CPA5: variants seen among roughly 807,000 people sequenced by gnomAD.
CPA5 encodes the protein carboxypeptidase A5.
In CPA5, 38 loss-of-function variants were observed where a neutral mutation model predicts 52.2. That is an observed-to-expected ratio of 0.73 (90% CI 0.56 to 0.95). CPA5 has a LOEUF of 0.95. CPA5 is among the 40% of genes least tolerant of loss of function. The pLI is 0.00. For synonymous variants in CPA5, 198 were observed against 213.7 expected (o/e 0.93, Z 0.64); for missense variants, 519 against 566.7 (o/e 0.92, Z 0.86).
At position 130,354,460 on chromosome 7, in the gene CPA5, C is replaced by T. The variant is rs1229320347; in HGVS notation, c.333+4351C>T. 7.2e-5 allele frequency among the ~76,000 whole-genome samples: 11 copies of T among 152,244 alleles called. No individual in the cohort carries two copies. In the East Asian group the frequency reaches 2.1e-3, roughly 29 times the overall value. On this transcript the variant is annotated intron_variant, in intron 5 of 12. Transcript: ENST00000474905. ...CCAGGCTGGAGTACAGTGGCATGATCTCGGCTCACTGCAGCCTCCACCTCC... is the reference window on the plus strand; with the variant it reads ...CCAGGCTGGAGTACAGTGGCATGATTTCGGCTCACTGCAGCCTCCACCTCC...
intron 10 of CPA5, among the ~76,000 whole-genome samples, chr7:130,363,946 C>T (rs574855498): frequency 5.9e-5 from 9 of 152,310 alleles, no homozygotes; most frequent in East Asian, 1.9e-4. Context: ...ACTCTTTCCC[C>T]GAGAGCTAGG....
In CPA5 at chr7:130,367,991, G is replaced by A. The variant is rs1554409034; in HGVS notation, c.1123+1G>A. ...TTTGGCAGCATCAGCACCACCCTCT[G>A]TGAGTGAGCCTCCCCTGGCCCTGCT... On this transcript the variant is annotated splice_donor_variant, in intron 12 of 12. Transcript: ENST00000474905. LOFTEE classifies it high-confidence loss of function. The A allele has an allele frequency of 3.1e-6, 5 of 1,613,832 alleles. No individual in the cohort carries two copies. The South Asian group carries it at 5.5e-5, about 18-fold the overall frequency.
At chr7:130,370,322 C>G (rs540843436), downstream of CPA5, among the ~76,000 whole-genome samples, 6 of 145,604 alleles carry the variant, frequency 4.1e-5, no homozygotes, top group African/African-American at 1.5e-4. Context: ...GCTGAAGTTT[C>G]CCACAGGAGA....
intron 5 of CPA5, 92 bp downstream of exon 5, chr7:130,350,201 A>G: frequency 7.2e-7 from 1 of 1,386,908 alleles, no homozygotes; most frequent in Non-Finnish European, 9.8e-7. Flanking sequence ...CTAAAAGTGG[A>G]CATGTGGTTT....
intron 11 of CPA5, 37 bp downstream of exon 11, chr7:130,367,608 C>T (rs782772660): frequency 9.0e-6 from 14 of 1,563,046 alleles, no homozygotes; most frequent in Admixed American, 5.0e-5. Flanking sequence ...GAGAAGAGAC[C>T]GCTTCACAGG....
At chr7:130,374,251 C>T in the CPA5 span, among the ~76,000 whole-genome samples, 8 of 151,968 alleles carry the variant, frequency 5.3e-5, no homozygotes, top group Non-Finnish European at 8.8e-5. Flanking sequence ...ATCTCAAACT[C>T]GGGGGGCAAA....
intron 1 of CPA5, chr7:130,345,588 T>C (rs2117261796): frequency 6.6e-6 from 1 of 152,362 alleles, no homozygotes; most frequent in East Asian, 1.9e-4. Flanking sequence ...AGAACTCTAA[T>C]AATGACTGCG....
At chr7:130,347,374 C>A (rs1261210196) in intron 3 of CPA5, among the ~76,000 whole-genome samples, 1 of 152,244 alleles carries the variant, frequency 6.6e-6, no homozygotes, top group East Asian at 1.9e-4. Context: ...TGGGGCCACA[C>A]TGGTCCCCCC....
At chr7:130,346,960 A>AT (rs1794790491) in intron 3 of CPA5, among the ~76,000 whole-genome samples, 11 of 152,134 alleles carry the variant, frequency 7.2e-5, no homozygotes, top group Admixed American at 7.2e-4. Flanking sequence ...CCACAAGACT[A>AT]CATACCCCTA....
At position 130,346,589 on chromosome 7, in the gene CPA5, T is replaced by C. The variant is rs1554402264; in HGVS notation, c.104T>C (p.Met35Thr). 1.2e-6 allele frequency: 2 copies of C among 1,613,700 alleles called. No homozygotes were observed. The highest frequency in any genetic ancestry group is 1.7e-6 in the Non-Finnish European group (2 of 1,179,720). ...ATCCTGGCAGCAGCTTTGGGCCAAA[T>C]GAATTTCACAGGGTGAGTGGCTGCT... ...SFILAAALGQ[M>T]NFTGDQVLRV... is the part of the protein sequence containing the mutation. The change falls in exon 3 of 13, where the codon ATG becomes ACG. Residue 35 changes from methionine to threonine, a missense_variant. Met to Thr is a moderately conservative substitution (Grantham distance 81, BLOSUM62 -1). Coordinates refer to ENST00000474905, the MANE Select transcript of CPA5 (RefSeq NM_080385.5).
chr7:130,354,622 C>G (rs565040457), intron 5 of CPA5, among the ~76,000 whole-genome samples: 33 of 152,104 alleles, frequency 2.2e-4, no homozygotes, highest in African/African-American at 7.5e-4. Context: ...CCATGTTGGC[C>G]AGGCTGGTCC....
chr7:130,365,820 C>T (rs1222858946), intron 10 of CPA5, among the ~76,000 whole-genome samples: 5 of 152,276 alleles, frequency 3.3e-5, no homozygotes, highest in African/African-American at 7.2e-5. Flanking sequence ...CCCCGCTCTG[C>T]GCATCTGTTG....
intron 5 of CPA5, 83 bp from the exon 6 acceptor site, chr7:130,359,506 C>G (rs185250589): frequency 3.2e-6 from 3 of 923,766 alleles, no homozygotes; most frequent in African/African-American, 3.3e-5. Flanking sequence ...TCTTTATGCA[C>G]AGCCAGTGGA....
chr7:130,361,365 G>A (rs554843187), intron 7 of CPA5, 121 bp downstream of exon 7: 1 of 677,392 alleles, frequency 1.5e-6, no homozygotes, highest in African/African-American at 1.8e-5. Context: ...GTCTACTCCT[G>A]TCCCCAGGTG....
At chr7:130,356,472 C>T (rs1315131468) in intron 5 of CPA5, among the ~76,000 whole-genome samples, 8 of 152,200 alleles carry the variant, frequency 5.3e-5, no homozygotes, top group Admixed American at 2.0e-4. Context: ...CGCATTCTTC[C>T]GTCACCCATC....
chr7:130,373,093 C>T, downstream of CPA5, among the ~76,000 whole-genome samples: 1 of 152,144 alleles, frequency 6.6e-6, no homozygotes, highest in South Asian at 2.1e-4. Flanking sequence ...CCCTCTGGGT[C>T]TCCTCAGCAA....
chr7:130,352,335 G>A (rs1795199777), intron 5 of CPA5, among the ~76,000 whole-genome samples: 1 of 151,704 alleles, frequency 6.6e-6, no homozygotes, highest in African/African-American at 2.4e-5. Flanking sequence ...CTGTATCCAG[G>A]ACAGCTGGAG....
At position 130,362,440 on chromosome 7, in the gene CPA5, C is replaced by A; in HGVS notation, c.537C>A (p.Phe179Leu). 3 of 1,610,062 alleles carry A rather than the reference C, an allele frequency of 1.9e-6. No homozygotes were observed. In the South Asian group the frequency reaches 3.3e-5, roughly 18 times the overall value. ...TGGGGCCCGATTCTTTTTCTCAGTT[C>A]AGCACTGGAGGTTCTCGGCACCCAG... ...FENQSILVLKFSTGGSRHPAI... is the reference protein window; with the variant it reads ...FENQSILVLKLSTGGSRHPAI... Residue 179 changes from phenylalanine to leucine, a missense_variant and splice_region_variant, in exon 8 of 13, where the codon TTC becomes TTA. Physicochemically the swap from Phe to Leu is conservative, Grantham distance 22 (BLOSUM62 0). Coordinates refer to ENST00000474905, the MANE Select transcript of CPA5 (RefSeq NM_080385.5).
chr7:130,369,162 C>T (rs1411967230), downstream of CPA5, among the ~76,000 whole-genome samples: 5 of 152,122 alleles, frequency 3.3e-5, no homozygotes, highest in South Asian at 2.1e-4. Context: ...TGGCTTATGA[C>T]CTGCTCCCCC....
Sources: gnomAD v4.1 joint callset for allele counts (sites outside exome capture counted in the v4.1 genomes callset) on GRCh38, gnomAD v4.1.1 for gene constraint, MANE v1.5 for transcripts, NCBI Gene and HGNC (gene_info 2026-07-23, HGNC 2026-07-21) for gene names.